The following RECK variants were observed in gnomAD, a reference collection of about 807,000 sequenced individuals.
RECK encodes reversion inducing cysteine rich protein with kazal motifs, also known as reversion-inducing cysteine-rich protein with Kazal motifs.
A neutral mutation model predicts 115.1 loss-of-function variants in RECK; 69 were observed. The observed-to-expected ratio is 0.60, with a 90% CI of 0.49 to 0.73. RECK has a LOEUF of 0.73. Among genes scored for constraint, RECK ranks in the 30% least tolerant of loss-of-function variants. The probability of loss-of-function intolerance (pLI) is 0.00; values close to 1 mark genes in which losing one functional copy is unlikely to be tolerated. For synonymous variants in RECK, 414 were observed against 419.7 expected, an observed-to-expected ratio of 0.99 and a Z score of 0.17; for missense variants, 1,047 against 1,203.7, an observed-to-expected ratio of 0.87 and a Z score of 1.93.
intron 6 of RECK, among the ~76,000 whole-genome samples, chr9:36,075,149 T>TC (rs1454831647): frequency 1.3e-5 from 2 of 152,256 alleles, no homozygotes; most frequent in Non-Finnish European, 2.9e-5. Context: ...CTTGCTAGTG[T>TC]CCACTAGGCC....
At chr9:36,100,184 A>G (rs1056970181) in intron 10 of RECK, 147 bp from the exon 11 acceptor site, 10 of 624,526 alleles carry the variant, frequency 1.6e-5, no homozygotes, top group East Asian at 2.7e-5. Flanking sequence ...TCTTCATACA[A>G]TCGAAGCTGA....
chr9:36,066,030 G>A (rs1564109290), intron 6 of RECK, among the ~76,000 whole-genome samples: 1 of 152,052 alleles, frequency 6.6e-6, no homozygotes, highest in Non-Finnish European at 1.5e-5. Flanking sequence ...ATAAAAGAAA[G>A]AAAATCACAG....
chr9:36,120,398 G>C (rs1824416009), intron 18 of RECK, among the ~76,000 whole-genome samples: 1 of 152,150 alleles, frequency 6.6e-6, no homozygotes, highest in African/African-American at 2.4e-5. Context: ...CTCTTGAAAA[G>C]CCAGCTGTCT....
chr9:36,105,572 G>A (rs1339240270), intron 13 of RECK, among the ~76,000 whole-genome samples: 1 of 152,100 alleles, frequency 6.6e-6, no homozygotes. Flanking sequence ...ACTCTCGTGA[G>A]TTGCAGGGTT....
At chr9:36,085,970 T>C (rs1273692353) in intron 8 of RECK, 1 of 151,152 alleles carries the variant, frequency 6.6e-6, no homozygotes, top group African/African-American at 2.4e-5. Flanking sequence ...GGCAGCTCAA[T>C]AAAAAAGCAG....
rs2132536223 is a variant in RECK at position 36,036,950 on chromosome 9, C to G, written c.-49C>G. 1.6e-6 allele frequency: 2 copies of G among 1,255,764 alleles called. No individual in the cohort carries two copies. Among genetic ancestry groups the G allele is most frequent in the Non-Finnish European group, 2.0e-6 (2 of 980,512 alleles). 77.8% of individuals were successfully genotyped at this position (1,255,764 alleles called of 1,614,324 possible). Reference sequence around the variant, plus strand: ...GCGGTAGCGGCGGCAGCGGCTGCGGCCAAGCTGGGTCCGAGCATCCCGCGG... The same window carrying G: ...GCGGTAGCGGCGGCAGCGGCTGCGGGCAAGCTGGGTCCGAGCATCCCGCGG... On this transcript the variant is annotated 5_prime_UTR_variant, in exon 1 of 21. Coordinates refer to ENST00000377966, the MANE Select transcript of RECK (RefSeq NM_021111.3).
At chr9:36,069,202 G>C (rs189310167) in intron 6 of RECK, among the ~76,000 whole-genome samples, 135 of 152,210 alleles carry the variant, frequency 8.9e-4, no homozygotes, top group African/African-American at 2.3e-3. Flanking sequence ...ATCAGATGCA[G>C]ACTAAAATGT....
rs1352224330 is a variant in RECK at position 36,094,356 on chromosome 9, T to C, written c.1085+3013T>C. 6.6e-6 allele frequency among the ~76,000 whole-genome samples: 1 copy of C among 152,082 alleles called. No homozygotes were observed. The highest frequency in any genetic ancestry group is 2.4e-5 in the African/African-American group (1 of 41,438). ...AGGTAAATAATTATACCGTTATAAG[T>C]TTCTTACATTATTTGTGACATTGTA... On this transcript the variant is annotated intron_variant, in intron 10 of 20. Transcript: ENST00000377966. The surrounding 1 kb of genome is among the most constrained non-coding windows in gnomAD (Gnocchi z 4.1).
At chr9:36,043,191 A>ATTTTTTTTTTTTTTT (rs761649232) in intron 1 of RECK, among the ~76,000 whole-genome samples, 3 of 54,000 alleles carry the variant, frequency 5.6e-5, no homozygotes, top group African/African-American at 1.6e-4. Context: ...CGCCTGGCTA[A>ATTTTTTTTTTTTTTT]TTTTTTTTTT....
chr9:36,089,556 G>A (rs143293292), intron 9 of RECK, among the ~76,000 whole-genome samples: 1,729 of 152,268 alleles, frequency 0.011, 17 homozygotes, highest in Non-Finnish European at 0.018. Flanking sequence ...TTTGAGTGCT[G>A]ACATGACACC....
intron 11 of RECK, among the ~76,000 whole-genome samples, chr9:36,100,939 C>T (rs142676075): frequency 1.0e-3 from 155 of 151,816 alleles, no homozygotes; most frequent in African/African-American, 3.5e-3. Flanking sequence ...TTCTGTTAGA[C>T]TTTGCTCTTC....
Position 36,048,126 on chromosome 9 carries a change from A to AATATATATATATATATATATAT in RECK, c.101-4126_101-4105dup, listed in dbSNP as rs56726335. Among the ~76,000 whole-genome samples, 236 of 115,222 alleles carry AATATATATATATATATATATAT rather than the reference A, an allele frequency of 2.0e-3. 8 individuals carry two copies. Among genetic ancestry groups the AATATATATATATATATATATAT allele is most frequent in the African/African-American group, 5.5e-3 (127 of 22,932 alleles). The allele number at this position is 115,222 out of a possible 152,430, so 75.6% of individuals were successfully genotyped here. ...TACACACGCACAGACACACAGGTTG[A>AATATATATATATATATATATAT]ATATATATATATATATATATATATA... On this transcript the variant is annotated intron_variant, in intron 1 of 20. Transcript: ENST00000377966.
At chr9:36,099,565 C>T (rs756665099) in intron 10 of RECK, among the ~76,000 whole-genome samples, 3 of 152,060 alleles carry the variant, frequency 2.0e-5, no homozygotes, top group Non-Finnish European at 2.9e-5. Flanking sequence ...AGGCTGGCCT[C>T]GAACTCCTGG....
In RECK at chr9:36,105,299, G is replaced by C; in HGVS notation, c.1576+16G>C. ...TGTGTTCAAGGTAAGAGGTAGGTGG[G>C]TGTGAGAAGAGGATGGATAGGTGCT... On this transcript the variant is annotated intron_variant, in intron 13 of 20. Transcript: ENST00000377966. 2 of 1,613,580 alleles carry C rather than the reference G, an allele frequency of 1.2e-6. No individual in the cohort carries two copies. Among genetic ancestry groups the C allele is most frequent in the Non-Finnish European group, 1.7e-6 (2 of 1,179,622 alleles).
intron 1 of RECK, 103 bp downstream of exon 1, chr9:36,037,201 C>T (rs1194646377): frequency 4.0e-6 from 3 of 743,544 alleles, no homozygotes; most frequent in Non-Finnish European, 5.5e-6. Context: ...GACCCCCAGA[C>T]CCTGCCCACG....
intron 8 of RECK, among the ~76,000 whole-genome samples, chr9:36,084,353 T>C (rs1822855857): frequency 6.6e-6 from 1 of 150,594 alleles, no homozygotes; most frequent in African/African-American, 2.4e-5. Context: ...ATCCTACCAC[T>C]GCACTCCAGT....
chr9:36,055,817 G>A (rs150152482), intron 2 of RECK, among the ~76,000 whole-genome samples: 1 of 152,014 alleles, frequency 6.6e-6, no homozygotes, highest in East Asian at 1.9e-4. Flanking sequence ...TTTTTTGTTT[G>A]TTTTTGTTGT....
chr9:36,121,789 G>C (rs1824471298), intron 20 of RECK, 101 bp downstream of exon 20: 2 of 1,208,320 alleles, frequency 1.7e-6, no homozygotes, highest in East Asian at 4.7e-5. Context: ...ATCCGTGGGT[G>C]AGGGAGTGGA....
chr9:36,066,929 C>T, intron 6 of RECK: 3 of 1,114,002 alleles, frequency 2.7e-6, no homozygotes, highest in Non-Finnish European at 3.6e-6. Flanking sequence ...TTTTCCCAGT[C>T]TATCTTCCCT....
Sources: gnomAD v4.1 joint callset for allele counts (sites outside exome capture counted in the v4.1 genomes callset) on GRCh38, gnomAD v4.1.1 for gene constraint, Gnocchi (gnomAD v3.1) non-coding constraint, MANE v1.5 for transcripts, NCBI Gene and HGNC (gene_info 2026-07-23, HGNC 2026-07-21) for gene names.